RAB3GAP2: variants seen among roughly 807,000 people sequenced by gnomAD.
RAB3GAP2 encodes RAB3 GTPase activating non-catalytic protein subunit 2.
RAB3GAP2 carries 87 observed loss-of-function variants against 185.3 expected under a neutral mutation model. The ratio of observed to expected loss-of-function variants is 0.47; its 90% confidence interval spans 0.39 to 0.56. The LOEUF (loss-of-function observed/expected upper bound fraction) is 0.56. RAB3GAP2 is among the 20% of genes least tolerant of loss of function. RAB3GAP2 has a pLI of 0.00. For synonymous variants in RAB3GAP2, 554 were observed against 576.1 expected (o/e 0.96, Z 0.55); for missense variants, 1,492 against 1,638.2 (o/e 0.91, Z 1.54).
chr1:220,191,353 T>C (rs1197944049), intron 13 of RAB3GAP2, 69 bp from the exon 14 acceptor site: 1 of 356,558 alleles, frequency 2.8e-6, no homozygotes, highest in Non-Finnish European at 5.2e-6. Flanking sequence ...TGAAGTACTC[T>C]GGAATAGTGG....
chr1:220,153,481 A>G (rs1657800318), intron 32 of RAB3GAP2, 75 bp from the exon 33 acceptor site: 6 of 1,352,024 alleles, frequency 4.4e-6, no homozygotes, highest in African/African-American at 1.4e-5. Flanking sequence ...AAGTATTGTT[A>G]GCTTTTCTGT....
chr1:220,188,155 T>C (rs981953306), intron 17 of RAB3GAP2, among the ~76,000 whole-genome samples: 2 of 151,472 alleles, frequency 1.3e-5, no homozygotes, highest in Admixed American at 1.3e-4. Flanking sequence ...AGTGACTGTG[T>C]AAGAGAAAAG....
chr1:220,173,703 C>A (rs752382427), intron 21 of RAB3GAP2, among the ~76,000 whole-genome samples: 2 of 151,992 alleles, frequency 1.3e-5, no homozygotes, highest in African/African-American at 4.8e-5. Flanking sequence ...TAAGCTCATA[C>A]GGGAAAGCTA....
Position 220,151,163 on chromosome 1 carries a change from C to A in RAB3GAP2, c.*88G>T. The A allele has an allele frequency of 7.5e-7, 1 of 1,340,160 alleles. No individual in the cohort carries two copies. Among genetic ancestry groups the A allele is most frequent in the South Asian group, 1.3e-5 (1 of 78,026 alleles). 83.0% of individuals were successfully genotyped at this position (1,340,160 alleles called of 1,614,324 possible). A position where few individuals can be genotyped will look rare whatever the true frequency, so the allele number is the denominator to read the frequency against. ...AGGAAAAAAAAAGACATACTTTTCC[C>A]ATAAAATTCCAGGTCTTACTATGTA... On this transcript the variant is annotated 3_prime_UTR_variant, in exon 35 of 35. Coordinates refer to ENST00000358951, the MANE Select transcript of RAB3GAP2 (RefSeq NM_012414.4).
intron 26 of RAB3GAP2, among the ~76,000 whole-genome samples, chr1:220,165,874 T>G (rs1658053253): frequency 6.6e-6 from 1 of 152,208 alleles, no homozygotes; most frequent in African/African-American, 2.4e-5. Flanking sequence ...CCATGGGGCT[T>G]GACGTCAGCT....
chr1:220,242,329 C>A (rs1020292136), intron 1 of RAB3GAP2, among the ~76,000 whole-genome samples: 4 of 152,118 alleles, frequency 2.6e-5, no homozygotes, highest in African/African-American at 9.7e-5. Context: ...TAAGTTCCTA[C>A]TACAAATCAT....
chr1:220,213,056 T>C, intron 3 of RAB3GAP2, 88 bp from the exon 4 acceptor site: 1 of 941,012 alleles, frequency 1.1e-6, no homozygotes, highest in Non-Finnish European at 1.6e-6. Context: ...CCCCTTAGAA[T>C]ATGATTACAA....
intron 29 of RAB3GAP2, 31 bp downstream of exon 29, chr1:220,159,355 C>T (rs1389654773): frequency 6.3e-7 from 1 of 1,577,772 alleles, no homozygotes; most frequent in South Asian, 1.1e-5. Context: ...GAATTAACAA[C>T]CATAATTCTA....
chr1:220,222,948 T>C (rs1168891858), intron 2 of RAB3GAP2, among the ~76,000 whole-genome samples: 1 of 152,244 alleles, frequency 6.6e-6, no homozygotes, highest in East Asian at 1.9e-4. Context: ...TGTATTTTAT[T>C]ACTCATACAA....
At position 220,189,713 on chromosome 1, in the gene RAB3GAP2, G is replaced by A. The variant is rs755949606; in HGVS notation, c.1769C>T (p.Thr590Ile). ...ELILDIKYPA[T>I]KKQALESILA... ...ATTATATACACTTACTTGTTTTTTG[G>A]TTGCAGGGTATTTAATATCAAGAAT... Residue 590 changes from threonine to isoleucine, a missense_variant, in exon 17 of 35, where the codon ACC becomes ATC. Physicochemically the swap from Thr to Ile is moderately conservative, Grantham distance 89. Coordinates refer to ENST00000358951, the MANE Select transcript of RAB3GAP2 (RefSeq NM_012414.4). 6.4e-7 allele frequency: 1 copy of A among 1,559,964 alleles called. No individual in the cohort carries two copies. The highest frequency in any genetic ancestry group is 1.1e-5 in the South Asian group (1 of 87,044).
intron 1 of RAB3GAP2, chr1:220,254,337 G>C (rs1340597928): frequency 1.2e-6 from 2 of 1,613,390 alleles, no homozygotes; most frequent in Non-Finnish European, 1.7e-6. Context: ...CCATGTCCCA[G>C]GTGTATGGAG....
intron 12 of RAB3GAP2, among the ~76,000 whole-genome samples, 164 bp downstream of exon 12, chr1:220,194,914 C>T (rs757595044): frequency 6.6e-6 from 1 of 152,176 alleles, no homozygotes; most frequent in African/African-American, 2.4e-5. Context: ...AAGAATCACT[C>T]TTCACATGGA....
chr1:220,269,347 CAG>C (rs924170878), intron 1 of RAB3GAP2, among the ~76,000 whole-genome samples: 4 of 152,160 alleles, frequency 2.6e-5, no homozygotes, highest in African/African-American at 9.7e-5. Flanking sequence ...TGGCAGGAAG[CAG>C]AGTCTCAAGG....
chr1:220,157,191 C>T, intron 31 of RAB3GAP2, 79 bp downstream of exon 31: 2 of 1,242,404 alleles, frequency 1.6e-6, no homozygotes, highest in Non-Finnish European at 2.3e-6. Flanking sequence ...TACTGGACAG[C>T]TTCTATTAAA....
At chr1:220,153,721 A>C (rs2102850012) in intron 32 of RAB3GAP2, 1 of 456,212 alleles carries the variant, frequency 2.2e-6, no homozygotes, top group African/African-American at 2.0e-5. Context: ...CATTTACATT[A>C]GGTATATCTC....
intron 1 of RAB3GAP2, among the ~76,000 whole-genome samples, chr1:220,250,201 G>C (rs926381324): frequency 2.6e-5 from 4 of 152,198 alleles, no homozygotes; most frequent in Non-Finnish European, 5.9e-5. Context: ...CACAGGGGGG[G>C]AGCTGCTCAA....
intron 17 of RAB3GAP2, among the ~76,000 whole-genome samples, chr1:220,187,345 G>A (rs1658525172): frequency 6.6e-6 from 1 of 151,350 alleles, no homozygotes; most frequent in African/African-American, 2.4e-5. Context: ...TCTAACATTT[G>A]GTCTTTGACC....
intron 2 of RAB3GAP2, among the ~76,000 whole-genome samples, chr1:220,218,528 G>C (rs999450420): frequency 2.6e-5 from 4 of 152,040 alleles, no homozygotes; most frequent in African/African-American, 9.7e-5. Flanking sequence ...TCATAGATGG[G>C]AATTGAACAA....
intron 1 of RAB3GAP2, among the ~76,000 whole-genome samples, chr1:220,256,752 G>T (rs1383654717): frequency 6.6e-6 from 1 of 152,154 alleles, no homozygotes; most frequent in Non-Finnish European, 1.5e-5. Context: ...GATTCACAAA[G>T]CAAGTGCTTA....
Sources: gnomAD v4.1 joint callset for allele counts (sites outside exome capture counted in the v4.1 genomes callset) on GRCh38, gnomAD v4.1.1 for gene constraint, MANE v1.5 for transcripts, NCBI Gene and HGNC (gene_info 2026-07-23, HGNC 2026-07-21) for gene names.